Variants in SMAP1 observed in about 807,000 individuals in gnomAD.
SMAP1 encodes the protein small ArfGAP 1.
Under a neutral mutation model 58.5 loss-of-function variants are expected in SMAP1, and 24 were observed. That is an observed-to-expected ratio of 0.41 (90% CI 0.30 to 0.58). The LOEUF is 0.58. Among genes scored for constraint, SMAP1 ranks in the 20% least tolerant of loss-of-function variants. The pLI is 0.29. For synonymous variants in SMAP1, 216 were observed against 196.6 expected (o/e 1.10, Z -0.82); for missense variants, 563 against 566.3 (o/e 0.99, Z 0.06).
chr6:70,794,945 C>T (rs1363962056), intron 5 of SMAP1, among the ~76,000 whole-genome samples: 6 of 152,036 alleles, frequency 3.9e-5, no homozygotes, highest in Non-Finnish European at 8.8e-5. Flanking sequence ...CCCATGACCA[C>T]ACCTGTCTAA....
chr6:70,683,327 G>A (rs1289506965), intron 1 of SMAP1, among the ~76,000 whole-genome samples: 2 of 151,526 alleles, frequency 1.3e-5, no homozygotes, highest in Non-Finnish European at 2.9e-5. Context: ...CCGCCACCAC[G>A]CCTGGCTAAT....
intron 6 of SMAP1, among the ~76,000 whole-genome samples, chr6:70,815,969 T>G (rs1769610968): frequency 6.6e-6 from 1 of 152,068 alleles, no homozygotes; most frequent in Non-Finnish European, 1.5e-5. Context: ...TCAAGAATCT[T>G]AAAATTCAGA....
intron 1 of SMAP1, among the ~76,000 whole-genome samples, chr6:70,684,140 C>T (rs1766836283): frequency 6.6e-6 from 1 of 152,188 alleles, no homozygotes. Context: ...TTTATTCAAA[C>T]ATAAATTTGG....
intron 3 of SMAP1, among the ~76,000 whole-genome samples, chr6:70,769,915 G>T (rs1218454835): frequency 1.3e-5 from 2 of 151,618 alleles, no homozygotes; most frequent in African/African-American, 4.9e-5. Flanking sequence ...CATGTTTAGT[G>T]CTTCCTTCAG....
At chr6:70,824,352 C>T (rs866266251) in intron 6 of SMAP1, among the ~76,000 whole-genome samples, 10 of 151,946 alleles carry the variant, frequency 6.6e-5, no homozygotes, top group Middle Eastern at 3.2e-3. Flanking sequence ...AGCTTAGGCT[C>T]ACAGGGCTAG....
At chr6:70,830,831 A>G (rs1228279451) in intron 6 of SMAP1, among the ~76,000 whole-genome samples, 1 of 152,236 alleles carries the variant, frequency 6.6e-6, no homozygotes, top group African/African-American at 2.4e-5. Context: ...AGAAAGACAA[A>G]GAGAATCAAA....
chr6:70,758,396 G>A (rs1201489925), intron 3 of SMAP1, among the ~76,000 whole-genome samples: 2 of 146,672 alleles, frequency 1.4e-5, no homozygotes, highest in African/African-American at 2.5e-5. Flanking sequence ...GGGAGGGATA[G>A]CATTGGGAGA....
intron 7 of SMAP1, among the ~76,000 whole-genome samples, chr6:70,849,588 CTT>C (rs997301900): frequency 1.3e-4 from 20 of 152,092 alleles, no homozygotes; most frequent in Admixed American, 5.2e-4. Flanking sequence ...CCTAAATTCT[CTT>C]GAGTCACACA....
chr6:70,802,274 G>T (rs1481466963), intron 6 of SMAP1, among the ~76,000 whole-genome samples: 1 of 152,070 alleles, frequency 6.6e-6, no homozygotes, highest in African/African-American at 2.4e-5. Context: ...TCTCTTTGTA[G>T]CAGTTGTGAA....
At chr6:70,781,536 A>T (rs1311154038) in intron 4 of SMAP1, among the ~76,000 whole-genome samples, 1 of 152,188 alleles carries the variant, frequency 6.6e-6, no homozygotes, top group African/African-American at 2.4e-5. Context: ...CTGTGATAAA[A>T]TTTCTACTTA....
At chr6:70,784,959 G>C (rs1767940537) in intron 4 of SMAP1, among the ~76,000 whole-genome samples, 1 of 152,130 alleles carries the variant, frequency 6.6e-6, no homozygotes, top group Non-Finnish European at 1.5e-5. Context: ...GGACCTAATA[G>C]ACATCTACAG....
intron 3 of SMAP1, among the ~76,000 whole-genome samples, chr6:70,764,888 T>G: frequency 6.6e-6 from 1 of 152,176 alleles, no homozygotes; most frequent in Non-Finnish European, 1.5e-5. Flanking sequence ...CACCCCTGAC[T>G]TTCCAGGCTC....
At chr6:70,738,328 A>ATGT (rs1227845063) in intron 2 of SMAP1, among the ~76,000 whole-genome samples, 1 of 152,190 alleles carries the variant, frequency 6.6e-6, no homozygotes, top group Non-Finnish European at 1.5e-5. Context: ...AGGATAAAAA[A>ATGT]TGTTGGCACT....
At chr6:70,785,774 G>T (rs1767992437) in intron 4 of SMAP1, among the ~76,000 whole-genome samples, 3 of 152,276 alleles carry the variant, frequency 2.0e-5, no homozygotes, top group Admixed American at 1.3e-4. Flanking sequence ...TCTCTGAATA[G>T]ACCAATAACA....
chr6:70,687,688 T>A (rs937286825), intron 1 of SMAP1, among the ~76,000 whole-genome samples: 10 of 152,132 alleles, frequency 6.6e-5, no homozygotes, highest in Non-Finnish European at 7.4e-5. Flanking sequence ...ACATAGACAC[T>A]TGACCCAGTT....
At chr6:70,811,507 G>C (rs912073922) in intron 6 of SMAP1, among the ~76,000 whole-genome samples, 1 of 151,998 alleles carries the variant, frequency 6.6e-6, no homozygotes, top group Non-Finnish European at 1.5e-5. Flanking sequence ...ATCAGTCAAG[G>C]CTTCCTTTGA....
intron 6 of SMAP1, among the ~76,000 whole-genome samples, chr6:70,821,214 C>CGA (rs1769876494): frequency 1.3e-5 from 2 of 152,124 alleles, no homozygotes; most frequent in South Asian, 4.1e-4. Flanking sequence ...GTAATCATAC[C>CGA]ATGCAACTCT....
At chr6:70,820,706 G>GAA (rs766717489) in intron 6 of SMAP1, among the ~76,000 whole-genome samples, 2 of 133,214 alleles carry the variant, frequency 1.5e-5, no homozygotes, top group African/African-American at 2.7e-5. Context: ...CTCCATCTCG[G>GAA]AAAAAAAAAA....
At chr6:70,791,018 T>C (rs1452805049) in intron 4 of SMAP1, among the ~76,000 whole-genome samples, 1 of 152,210 alleles carries the variant, frequency 6.6e-6, no homozygotes, top group Admixed American at 6.5e-5. Context: ...GTAAATTGCC[T>C]GTGCTGCATA....
Sources: allele counts gnomAD v4.1 joint callset (sites outside exome capture counted in the v4.1 genomes callset), GRCh38; gene constraint gnomAD v4.1.1; transcripts MANE v1.5; gene names NCBI Gene and HGNC (gene_info 2026-07-23, HGNC 2026-07-21).